COL25A1: variants seen among roughly 807,000 people sequenced by gnomAD.
COL25A1 encodes the protein collagen alpha-1(XXV) chain.
COL25A1 carries 103 observed loss-of-function variants against 128.4 expected under a neutral mutation model. That is an observed-to-expected ratio of 0.80 (90% confidence interval 0.68 to 0.94). The LOEUF (loss-of-function observed/expected upper bound fraction) is 0.94. COL25A1 is among the 40% of genes least tolerant of loss of function. The pLI, the probability that COL25A1 is intolerant of heterozygous loss-of-function variation, is 0.00. For missense variants in COL25A1, 745 were observed against 840.0 expected, an observed-to-expected ratio of 0.89 and a Z score of 1.40; for synonymous variants, 279 against 277.2, an observed-to-expected ratio of 1.01 and a Z score of -0.06.
At chr4:109,028,014 T>C (rs1758476528) in intron 5 of COL25A1, among the ~76,000 whole-genome samples, 1 of 152,150 alleles carries the variant, frequency 6.6e-6, no homozygotes, top group South Asian at 2.1e-4. Flanking sequence ...GACACATAGA[T>C]AATAGTTAAA....
At chr4:108,902,648 G>A (rs866287057) in intron 13 of COL25A1, among the ~76,000 whole-genome samples, 4 of 151,874 alleles carry the variant, frequency 2.6e-5, no homozygotes, top group South Asian at 2.1e-4. Context: ...CTAGAATAGC[G>A]AAAAGTATTT....
At chr4:108,858,234 C>T (rs1736750415) in intron 24 of COL25A1, among the ~76,000 whole-genome samples, 1 of 151,930 alleles carries the variant, frequency 6.6e-6, no homozygotes, top group Non-Finnish European at 1.5e-5. Flanking sequence ...ACCATCGAAG[C>T]CATGATCATT....
intron 5 of COL25A1, among the ~76,000 whole-genome samples, chr4:109,044,978 C>T (rs1379549288): frequency 6.6e-6 from 1 of 152,120 alleles, no homozygotes; most frequent in African/African-American, 2.4e-5. Context: ...GCCAGTTTTC[C>T]TCCTCCTCTG....
intron 8 of COL25A1, among the ~76,000 whole-genome samples, chr4:108,967,716 C>T (rs967163987): frequency 9.2e-5 from 14 of 152,136 alleles, no homozygotes; most frequent in African/African-American, 3.4e-4. Flanking sequence ...ATGCAACTTA[C>T]CTAGAAAAGT....
chr4:108,889,017 T>C (rs1323736249), intron 18 of COL25A1, among the ~76,000 whole-genome samples: 1 of 152,248 alleles, frequency 6.6e-6, no homozygotes, highest in African/African-American at 2.4e-5. Flanking sequence ...ACAAAGCATC[T>C]TTTACATATA....
rs145213079 is a variant in COL25A1 at position 109,144,835 on chromosome 4, T to C, written c.368-94656A>G. ...CCAAAAGCATTATACAAATTGTTCC[T>C]ATGTGAGACATTTATTTGTAAAAAG... is the stretch of plus-strand genomic sequence containing the variant. On this transcript the variant is annotated intron_variant, in intron 3 of 37. Coordinates refer to ENST00000399132, the MANE Select transcript of COL25A1 (RefSeq NM_198721.4). 5.5e-3 allele frequency among the ~76,000 whole-genome samples: 845 copies of C among 152,298 alleles called. 8 individuals carry two copies. Among genetic ancestry groups the C allele is most frequent in the African/African-American group, 0.019 (783 of 41,560 alleles).
chr4:108,890,533 G>C (rs533558971), intron 16 of COL25A1, among the ~76,000 whole-genome samples: 4 of 152,268 alleles, frequency 2.6e-5, no homozygotes, highest in Admixed American at 6.5e-5. Context: ...TAATATGGAG[G>C]GTAGCTGGGA....
At chr4:109,057,216 C>T (rs1761525936) in intron 3 of COL25A1, among the ~76,000 whole-genome samples, 1 of 152,052 alleles carries the variant, frequency 6.6e-6, no homozygotes, top group African/African-American at 2.4e-5. Flanking sequence ...TTATCTTTCT[C>T]ATGAAATGCA....
chr4:109,167,328 C>G (rs1398529167), intron 3 of COL25A1, among the ~76,000 whole-genome samples: 2 of 152,102 alleles, frequency 1.3e-5, no homozygotes, highest in East Asian at 3.9e-4. Flanking sequence ...AGAGTGAAGC[C>G]AAGTTCTTTC....
intron 32 of COL25A1, among the ~76,000 whole-genome samples, chr4:108,827,555 C>T (rs1015572353): frequency 6.6e-6 from 1 of 152,170 alleles, no homozygotes; most frequent in Non-Finnish European, 1.5e-5. Context: ...GAGACAGGGT[C>T]TCCCTCTTTC....
intron 3 of COL25A1, among the ~76,000 whole-genome samples, chr4:109,272,114 T>C (rs987530429): frequency 1.3e-5 from 2 of 152,028 alleles, no homozygotes; most frequent in Non-Finnish European, 2.9e-5. Flanking sequence ...TGTGTACCTG[T>C]AGTTCCTGCT....
chr4:108,982,513 A>G (rs972931566), intron 6 of COL25A1, among the ~76,000 whole-genome samples: 1 of 152,300 alleles, frequency 6.6e-6, no homozygotes, highest in East Asian at 1.9e-4. Context: ...GAATGCAATA[A>G]AACTCTGTGT....
At chr4:108,950,794 C>T (rs145789848) in intron 8 of COL25A1, among the ~76,000 whole-genome samples, 126 of 152,292 alleles carry the variant, frequency 8.3e-4, no homozygotes, top group Non-Finnish European at 1.2e-3. Context: ...ACATGCTATA[C>T]GCCAAGTACA....
chr4:108,950,361 A>C (rs1190170582), intron 8 of COL25A1, among the ~76,000 whole-genome samples: 1 of 152,098 alleles, frequency 6.6e-6, no homozygotes, highest in African/African-American at 2.4e-5. Flanking sequence ...CGTGCCAGAT[A>C]GACATGTGTG....
At chr4:109,115,926 T>C (rs970194257) in intron 3 of COL25A1, among the ~76,000 whole-genome samples, 1 of 152,012 alleles carries the variant, frequency 6.6e-6, no homozygotes, top group Non-Finnish European at 1.5e-5. Flanking sequence ...CTAGGTTACA[T>C]ACATAACAGA....
intron 3 of COL25A1, among the ~76,000 whole-genome samples, chr4:109,211,613 CTT>C (rs1432677432): frequency 3.3e-5 from 5 of 151,656 alleles, no homozygotes; most frequent in African/African-American, 1.2e-4. Flanking sequence ...AGAAAAAAAA[CTT>C]AAAAAATAAA....
At chr4:109,132,498 C>A (rs1197850930) in intron 3 of COL25A1, among the ~76,000 whole-genome samples, 3 of 151,988 alleles carry the variant, frequency 2.0e-5, no homozygotes, top group Non-Finnish European at 2.9e-5. Flanking sequence ...ATAAAAATTT[C>A]AAAAGGCTAT....
intron 33 of COL25A1, among the ~76,000 whole-genome samples, chr4:108,826,121 A>C (rs1185681894): frequency 2.0e-5 from 3 of 152,192 alleles, no homozygotes; most frequent in African/African-American, 4.8e-5. Context: ...GGAAAGGTTA[A>C]AACCCTTAAT....
chr4:108,935,019 ATGAGAAAT>A (rs1213887582), intron 11 of COL25A1, among the ~76,000 whole-genome samples: 1 of 152,172 alleles, frequency 6.6e-6, no homozygotes. Flanking sequence ...TCCTTCACAG[ATGAGAAAT>A]TGAGAGGTTA....
Sources: allele counts gnomAD v4.1 joint callset (sites outside exome capture counted in the v4.1 genomes callset), GRCh38; gene constraint gnomAD v4.1.1; transcripts MANE v1.5; gene names NCBI Gene and HGNC (gene_info 2026-07-23, HGNC 2026-07-21).